The following TACC1 variants were observed in gnomAD, a reference collection of about 807,000 sequenced individuals.
TACC1 encodes the protein transforming acidic coiled-coil-containing protein 1.
In TACC1, 48 loss-of-function variants were observed where a neutral mutation model predicts 84.4. The ratio of observed to expected loss-of-function variants is 0.57; its 90% CI spans 0.45 to 0.72. The LOEUF (loss-of-function observed/expected upper bound fraction) is 0.72. TACC1 is among the 30% of genes least tolerant of loss of function. TACC1 has a pLI of 0.00. For missense variants in TACC1, 920 were observed against 973.0 expected, an observed-to-expected ratio of 0.95 and a Z score of 0.72; for synonymous variants, 372 against 376.3, an observed-to-expected ratio of 0.99 and a Z score of 0.13.
At chr8:38,840,403 G>C in intron 9 of TACC1, 136 bp downstream of exon 9, 1 of 728,186 alleles carries the variant, frequency 1.4e-6, no homozygotes, top group South Asian at 1.8e-5. Context: ...AGACAGGAGA[G>C]TTCAAGGTGC....
chr8:38,840,362 T>A, intron 9 of TACC1, 95 bp downstream of exon 9: 1 of 1,137,848 alleles, frequency 8.8e-7, no homozygotes, highest in African/African-American at 1.5e-5. Flanking sequence ...CTAGGTAGCT[T>A]ATAAACAACA....
At chr8:38,754,435 C>T (rs1482171114) in intron 3 of TACC1, among the ~76,000 whole-genome samples, 1 of 152,198 alleles carries the variant, frequency 6.6e-6, no homozygotes, top group Non-Finnish European at 1.5e-5. Flanking sequence ...GAATAAAGAC[C>T]TTTCTCACCA....
chr8:38,735,595 A>T (rs1301452710), intron 1 of TACC1, among the ~76,000 whole-genome samples: 1 of 152,138 alleles, frequency 6.6e-6, no homozygotes, highest in Non-Finnish European at 1.5e-5. Flanking sequence ...GACTCCTGTC[A>T]GCAACCACCC....
At chr8:38,755,384 G>T (rs1809807336) in intron 3 of TACC1, among the ~76,000 whole-genome samples, 1 of 152,046 alleles carries the variant, frequency 6.6e-6, no homozygotes, top group Non-Finnish European at 1.5e-5. Context: ...CACTGTGCTG[G>T]GCACTAAGCT....
intron 3 of TACC1, among the ~76,000 whole-genome samples, chr8:38,755,563 G>A (rs1378682896): frequency 6.6e-6 from 1 of 151,894 alleles, no homozygotes; most frequent in African/African-American, 2.4e-5. Context: ...AATTAGCTGG[G>A]TGTGGTGGCA....
exon 3 of TACC1, chr8:38,745,226 G>C: frequency 2.4e-6 from 1 of 412,120 alleles, no homozygotes; most frequent in Non-Finnish European, 4.3e-6. Flanking sequence ...TAAAGACAAA[G>C]ATCTGCACTC....
chr8:38,757,964 A>G (rs941946108), intron 3 of TACC1, among the ~76,000 whole-genome samples: 3 of 152,184 alleles, frequency 2.0e-5, no homozygotes, highest in Non-Finnish European at 4.4e-5. Context: ...GACAGCAACA[A>G]TTGGGGACAC....
intron 7 of TACC1, among the ~76,000 whole-genome samples, chr8:38,836,776 T>C (rs1394180748): frequency 2.0e-5 from 3 of 152,212 alleles, no homozygotes; most frequent in African/African-American, 7.2e-5. Flanking sequence ...TTCCTGGTTA[T>C]CTGAAAAATA....
intron 3 of TACC1, among the ~76,000 whole-genome samples, chr8:38,781,359 TGGCTGTA>T (rs1397459617): frequency 6.6e-6 from 1 of 151,808 alleles, no homozygotes; most frequent in African/African-American, 2.4e-5. Context: ...AGGAATAAAA[TGGCTGTA>T]GGAGAAGAAA....
At chr8:38,846,577 A>C (rs546186537) in intron 11 of TACC1, 122 bp from the exon 12 acceptor site, 2 of 1,190,288 alleles carry the variant, frequency 1.7e-6, no homozygotes, top group East Asian at 2.7e-5. Flanking sequence ...TTTTTCTCTC[A>C]TGCAGTCAAT....
intron 3 of TACC1, chr8:38,824,519 T>G (rs1433035608): frequency 6.6e-6 from 1 of 152,428 alleles, no homozygotes; most frequent in Non-Finnish European, 1.5e-5. Context: ...TTCCGGTAAC[T>G]TATGTGCTTG....
chr8:38,840,268 G>T lies in TACC1; in HGVS notation c.1960+1G>T. ...GAAAAGACTATTGCTCAAATGATTG[G>T]TAAGGAGAACATTTTGTTTTTTGAG... On this transcript the variant is annotated splice_donor_variant, in intron 9 of 12. Coordinates refer to ENST00000317827, the MANE Select transcript of TACC1 (RefSeq NM_006283.3). LOFTEE classifies it high-confidence loss of function. 2 of 1,612,712 alleles carry T rather than the reference G, an allele frequency of 1.2e-6. No individual in the cohort carries two copies. Among genetic ancestry groups the T allele is most frequent in the Non-Finnish European group, 1.7e-6 (2 of 1,178,980 alleles).
Position 38,778,838 on chromosome 8 carries a change from C to T in TACC1, c.27-9866C>T, listed in dbSNP as rs139361507. Among the ~76,000 whole-genome samples the T allele has an allele frequency of 7.2e-5, 11 of 152,202 alleles. No individual in the cohort carries two copies. The East Asian group carries it at 1.7e-3, about 24-fold the overall frequency. ...GAAACCACCCTAAAAGGAAGTATAG[C>T]GAAAGAGCATCCCAAAGAAAGAGAT... is the stretch of plus-strand genomic sequence containing the variant. On this transcript the variant is annotated intron_variant, in intron 3 of 14. Coordinates refer to the TACC1 transcript ENST00000518415.
At chr8:38,809,448 C>G (rs1170122048) in intron 2 of TACC1, among the ~76,000 whole-genome samples, 1 of 152,150 alleles carries the variant, frequency 6.6e-6, no homozygotes, top group Non-Finnish European at 1.5e-5. Flanking sequence ...TCCCCCTTCC[C>G]TAGCTCTTGG....
intron 3 of TACC1, among the ~76,000 whole-genome samples, chr8:38,777,753 C>G (rs896776786): frequency 6.6e-6 from 1 of 152,204 alleles, no homozygotes; most frequent in Non-Finnish European, 1.5e-5. Context: ...TATGATTACA[C>G]TACTGCATTT....
intron 2 of TACC1, chr8:38,802,101 G>C (rs1008057743): frequency 2.0e-5 from 3 of 152,250 alleles, no homozygotes; most frequent in African/African-American, 7.2e-5. Flanking sequence ...GTAGAGAGAG[G>C]GTTTCCCTAT....
intron 2 of TACC1, among the ~76,000 whole-genome samples, chr8:38,743,225 C>T (rs1807416315): frequency 2.0e-5 from 3 of 152,126 alleles, no homozygotes; most frequent in Admixed American, 6.6e-5. Context: ...CTTACCTCAT[C>T]CATCATTTTT....
At chr8:38,732,484 A>G (rs1805154862) in intron 1 of TACC1, among the ~76,000 whole-genome samples, 1 of 152,152 alleles carries the variant, frequency 6.6e-6, no homozygotes, top group South Asian at 2.1e-4. Context: ...TGGCTTTTTC[A>G]AAGAACAAAT....
chr8:38,798,630 T>TGTGTGTGTGC (rs1554515659), intron 2 of TACC1, among the ~76,000 whole-genome samples: 25 of 151,720 alleles, frequency 1.6e-4, no homozygotes, highest in African/African-American at 6.1e-4. Context: ...TGTGTGTGTG[T>TGTGTGTGTGC]GTGTGTGTGT....
Sources: gnomAD v4.1 joint callset for allele counts (sites outside exome capture counted in the v4.1 genomes callset) on GRCh38, gnomAD v4.1.1 for gene constraint, MANE v1.5 for transcripts, NCBI Gene and HGNC (gene_info 2026-07-23, HGNC 2026-07-21) for gene names.